KCNQ5: variants seen among roughly 807,000 people sequenced by gnomAD.
The protein encoded by KCNQ5 is potassium voltage-gated channel subfamily KQT member 5.
In KCNQ5, 30 loss-of-function variants were observed where a neutral mutation model predicts 98.2. The observed-to-expected ratio is 0.31, with a 90% CI of 0.23 to 0.41. The LOEUF is 0.41. Among genes scored for constraint, KCNQ5 ranks in the 10% least tolerant of loss-of-function variants. The pLI is 1.00. For missense variants in KCNQ5, 835 were observed against 1,182.5 expected, an observed-to-expected ratio of 0.71 and a Z score of 4.31; for synonymous variants, 458 against 449.4, an observed-to-expected ratio of 1.02 and a Z score of -0.24.
chr6:72,758,284 C>T (rs1772078564), intron 1 of KCNQ5, among the ~76,000 whole-genome samples: 1 of 152,072 alleles, frequency 6.6e-6, no homozygotes, highest in South Asian at 2.1e-4. Context: ...ATCTTCCCAG[C>T]CCTCCATTCT....
chr6:73,150,102 A>G (rs1411131937), intron 10 of KCNQ5, among the ~76,000 whole-genome samples: 1 of 152,042 alleles, frequency 6.6e-6, no homozygotes, highest in Non-Finnish European at 1.5e-5. Flanking sequence ...CAAGTGCAAG[A>G]AAAGATGTTT....
intron 1 of KCNQ5, among the ~76,000 whole-genome samples, chr6:72,853,746 G>A: frequency 6.6e-6 from 1 of 152,174 alleles, no homozygotes; most frequent in Admixed American, 6.5e-5. Flanking sequence ...CAACCCTGGG[G>A]AAGGAGAGGA....
intron 1 of KCNQ5, among the ~76,000 whole-genome samples, chr6:72,635,618 T>C (rs1440489177): frequency 1.3e-5 from 2 of 151,796 alleles, no homozygotes; most frequent in Non-Finnish European, 2.9e-5. Flanking sequence ...GTTTCTTACT[T>C]TCCCTTTCCC....
intron 1 of KCNQ5, among the ~76,000 whole-genome samples, chr6:72,852,660 T>TATATATATATATATATATATATATAA (rs1232591580): frequency 2.3e-5 from 3 of 128,474 alleles, no homozygotes; most frequent in African/African-American, 9.0e-5. Flanking sequence ...TATATATATA[T>TATATATATATATATATATATATATAA]AAATGGCACT....
chr6:73,020,314 T>G lies in KCNQ5; in HGVS notation c.489+16316T>G, dbSNP rs544701313. Among the ~76,000 whole-genome samples the G allele has an allele frequency of 3.5e-4, 53 of 152,318 alleles. No individual in the cohort carries two copies. The South Asian group carries it at 0.011, about 32-fold the overall frequency. On this transcript the variant is annotated intron_variant, in intron 2 of 13. Transcript: ENST00000370398. ...GACCTTCTCCTTGGGCTCAATTAAT[T>G]TGCTGGAATGGCTCACAGAACTCAG...
At chr6:73,040,869 G>A (rs975095607) in intron 2 of KCNQ5, among the ~76,000 whole-genome samples, 5 of 152,254 alleles carry the variant, frequency 3.3e-5, no homozygotes, top group African/African-American at 7.2e-5. Context: ...TTTATCCTGC[G>A]AGTAAGAATG....
At chr6:73,079,306 C>A (rs971620630) in intron 5 of KCNQ5, among the ~76,000 whole-genome samples, 1 of 152,170 alleles carries the variant, frequency 6.6e-6, no homozygotes, top group Non-Finnish European at 1.5e-5. Flanking sequence ...CTCTTTTAAA[C>A]CACCCTTAGT....
At chr6:72,815,954 A>C (rs112783538) in intron 1 of KCNQ5, among the ~76,000 whole-genome samples, 3,008 of 152,290 alleles carry the variant, frequency 0.02, 34 homozygotes, top group Non-Finnish European at 0.032. Flanking sequence ...TGGAGAGATC[A>C]CTCATGTACA....
At chr6:72,847,687 C>G (rs1345113279) in intron 1 of KCNQ5, among the ~76,000 whole-genome samples, 1 of 152,150 alleles carries the variant, frequency 6.6e-6, no homozygotes, top group Non-Finnish European at 1.5e-5. Flanking sequence ...TGCTTGCTGT[C>G]AGAAAAGTAC....
chr6:72,671,896 G>A (rs1002113675), intron 1 of KCNQ5, among the ~76,000 whole-genome samples: 13 of 149,712 alleles, frequency 8.7e-5, no homozygotes, highest in African/African-American at 2.7e-4. Context: ...GGCTCACTGC[G>A]AGCTCCACCT....
chr6:73,077,783 A>G lies in KCNQ5; in HGVS notation c.814A>G (p.Ile272Val). The change falls in exon 5 of 14, where the codon ATA (isoleucine) becomes GTA (valine). Residue 272 changes from isoleucine (I) to valine (V), a missense_variant. By Grantham distance (29) the Ile-to-Val change is conservative. Transcript: ENST00000370398. ...CTAGGAATTAATCACAGCTTGGTAC[A>G]TAGGATTTTTGGTTCTTATTTTTTC... ...HSKELITAWY[I>V]GFLVLIFSSF... 6.2e-7 allele frequency: 1 copy of G among 1,611,354 alleles called. No homozygotes were observed. Among genetic ancestry groups the G allele is most frequent in the Non-Finnish European group, 8.5e-7 (1 of 1,177,982 alleles).
At chr6:72,921,054 A>T (rs76483268) in intron 1 of KCNQ5, among the ~76,000 whole-genome samples, 3,712 of 152,258 alleles carry the variant, frequency 0.024, 55 homozygotes, top group Middle Eastern at 0.048. Flanking sequence ...CCTGCCAGAA[A>T]GGGGCTTATT....
chr6:72,960,309 A>G (rs1767277798), intron 1 of KCNQ5, among the ~76,000 whole-genome samples: 1 of 152,242 alleles, frequency 6.6e-6, no homozygotes, highest in Non-Finnish European at 1.5e-5. Context: ...TATTTGTGAA[A>G]TAAACATCTC....
At chr6:73,132,218 G>A (rs746502400) in intron 9 of KCNQ5, among the ~76,000 whole-genome samples, 37 of 152,102 alleles carry the variant, frequency 2.4e-4, no homozygotes, top group Non-Finnish European at 4.3e-4. Context: ...TTATCCATGA[G>A]AACGCTGCTT....
intron 1 of KCNQ5, among the ~76,000 whole-genome samples, chr6:72,700,551 G>A (rs1219697106): frequency 1.3e-5 from 2 of 152,080 alleles, no homozygotes; most frequent in African/African-American, 4.8e-5. Flanking sequence ...TGCTTGAGGT[G>A]CCACAAGTAA....
At chr6:73,127,557 G>A (rs1432466457) in intron 9 of KCNQ5, among the ~76,000 whole-genome samples, 1 of 152,226 alleles carries the variant, frequency 6.6e-6, no homozygotes, top group African/African-American at 2.4e-5. Context: ...GTCATACACA[G>A]AGAGGCTTTT....
chr6:72,721,812 A>G (rs772137586), intron 1 of KCNQ5, among the ~76,000 whole-genome samples: 1 of 152,214 alleles, frequency 6.6e-6, no homozygotes, highest in African/African-American at 2.4e-5. Flanking sequence ...AAGGAGGGCT[A>G]TCAGGCTGTG....
chr6:73,159,297 G>C (rs1469808148), intron 10 of KCNQ5, among the ~76,000 whole-genome samples: 2 of 152,128 alleles, frequency 1.3e-5, no homozygotes, highest in African/African-American at 2.4e-5. Context: ...GCTAAATGAG[G>C]AGAACACATG....
chr6:72,720,358 T>C (rs1349055097), intron 1 of KCNQ5, among the ~76,000 whole-genome samples: 1 of 152,158 alleles, frequency 6.6e-6, no homozygotes, highest in Non-Finnish European at 1.5e-5. Context: ...TATGAATTAG[T>C]GCATTTTTTT....
Sources: allele counts gnomAD v4.1 joint callset (sites outside exome capture counted in the v4.1 genomes callset), GRCh38; gene constraint gnomAD v4.1.1; transcripts MANE v1.5; gene names NCBI Gene and HGNC (gene_info 2026-07-23, HGNC 2026-07-21).